Variants in ZNF254 observed in about 807,000 individuals in gnomAD.
ZNF254 encodes CTD-2017D11.1.
Under a neutral mutation model 12.4 loss-of-function variants are expected in ZNF254, and 10 were observed. The observed-to-expected ratio is 0.80, with a 90% confidence interval of 0.50 to 1.36. The LOEUF (loss-of-function observed/expected upper bound fraction) is 1.36, where lower values mean the gene tolerates loss of function less well. ZNF254 is among the 40% of genes most tolerant of loss of function. The probability of loss-of-function intolerance (pLI) is 0.00; values close to 1 mark genes in which losing one functional copy is unlikely to be tolerated. For synonymous variants in ZNF254, 305 were observed against 253.4 expected (o/e 1.20, Z -1.93); for missense variants, 996 against 763.9 (o/e 1.30, Z -3.58).
chr19:24,055,664 G>T (rs1199287817), intron 2 of ZNF254, among the ~76,000 whole-genome samples: 4 of 152,084 alleles, frequency 2.6e-5, no homozygotes, highest in Admixed American at 2.6e-4. Flanking sequence ...TGAAGTTCTG[G>T]ATCACACCTA....
rs370672493 is a variant in ZNF254 at position 24,127,923 on chromosome 19, G to A, written c.1923G>A (p.Arg641=). 1.2e-6 allele frequency: 2 copies of A among 1,606,484 alleles called. No homozygotes were observed. Among genetic ancestry groups the A allele is most frequent in the African/African-American group, 1.3e-5 (1 of 74,614 alleles). ...KWEKFGKAFN[R]SSHLTTDKIT... is the part of the protein sequence containing the mutation. ...AAAAATTTGGCAAAGCCTTTAATCG[G>A]TCCTCGCACCTCACCACAGATAAGA... Residue 641 remains arginine (R), a synonymous_variant, in exon 4 of 4, where the codon CGG becomes CGA. Transcript: ENST00000357002.
intron 1 of ZNF254, among the ~76,000 whole-genome samples, chr19:24,035,320 C>G (rs1444504388): frequency 6.6e-6 from 1 of 152,150 alleles, no homozygotes; most frequent in African/African-American, 2.4e-5. Flanking sequence ...CACCACCATG[C>G]CTGGCTAATG....
At chr19:24,040,963 A>G (rs747096060) in intron 1 of ZNF254, among the ~76,000 whole-genome samples, 4 of 150,218 alleles carry the variant, frequency 2.7e-5, no homozygotes, top group African/African-American at 9.7e-5. Flanking sequence ...TTCGATAAAG[A>G]AGCCAATTTC....
chr19:24,054,030 C>T (rs2145336443), intron 2 of ZNF254, among the ~76,000 whole-genome samples: 1 of 152,328 alleles, frequency 6.6e-6, no homozygotes, highest in Middle Eastern at 3.4e-3. Flanking sequence ...CTTGCCTGCA[C>T]TGTGCCCTGA....
At chr19:24,058,185 C>T (rs1398499552) in intron 2 of ZNF254, among the ~76,000 whole-genome samples, 1 of 152,138 alleles carries the variant, frequency 6.6e-6, no homozygotes, top group Non-Finnish European at 1.5e-5. Flanking sequence ...TCATTTGGAC[C>T]TTCCTGCACC....
rs553072906 is a variant in ZNF254 at position 24,071,808 on chromosome 19, G to A, written c.-94+25529G>A. 8.5e-5 allele frequency among the ~76,000 whole-genome samples: 13 copies of A among 152,214 alleles called. No individual in the cohort carries two copies. In the East Asian group the frequency reaches 2.0e-3, roughly 23 times the overall value. ...CCTCTGCTTCTACAGGGTTCAGGAC[G>A]GAAAGGAGAGTTACATCACTTAGGT... is the stretch of plus-strand genomic sequence containing the variant. On this transcript the variant is annotated intron_variant, in intron 2 of 4. Coordinates refer to the ZNF254 transcript ENST00000613065.
chr19:24,044,091 T>A (rs767485671), intron 1 of ZNF254, among the ~76,000 whole-genome samples: 2 of 151,346 alleles, frequency 1.3e-5, no homozygotes, highest in Non-Finnish European at 2.9e-5. Flanking sequence ...ATACAAAAAC[T>A]TAGCTGGGCG....
At chr19:24,048,497 G>A (rs984796167) in intron 2 of ZNF254, among the ~76,000 whole-genome samples, 4 of 152,298 alleles carry the variant, frequency 2.6e-5, no homozygotes, top group African/African-American at 4.8e-5. Context: ...GTGCAGTACC[G>A]CTTAGGTCCA....
Position 24,126,452 on chromosome 19 carries a change from G to T in ZNF254, c.452G>T (p.Ser151Ile), listed in dbSNP as rs763716153. The T allele has an allele frequency of 3.8e-6, 6 of 1,595,720 alleles. No homozygotes were observed. Among genetic ancestry groups the T allele is most frequent in the Non-Finnish European group, 4.3e-6 (5 of 1,174,182 alleles). Residue 151 changes from serine (S) to isoleucine (I), a missense_variant, in exon 4 of 4, where the codon AGC becomes ATC. Coordinates refer to ENST00000357002, the MANE Select transcript of ZNF254 (RefSeq NM_203282.4). ...GLNQCFTTAQ[S>I]KVFQCDKYLK... Reference sequence around the variant, plus strand: ...AACCAGTGTTTCACAACTGCCCAGAGCAAAGTATTTCAATGTGATAAATAT... The same window carrying T: ...AACCAGTGTTTCACAACTGCCCAGATCAAAGTATTTCAATGTGATAAATAT...
At chr19:24,104,540 G>A (rs1326800672) in intron 1 of ZNF254, 1 of 152,022 alleles carries the variant, frequency 6.6e-6, no homozygotes, top group Admixed American at 6.6e-5. Flanking sequence ...TTCTATACCT[G>A]TGTTTTTTCT....
In ZNF254 at chr19:24,129,129, CTT is replaced by C. The variant is rs1453650868; in HGVS notation, c.*1150_*1151del. On this transcript the variant is annotated 3_prime_UTR_variant, in exon 4 of 4. Transcript: ENST00000357002. ...AGGTAGAGAGGCTCTTTGTGGTTAA[CTT>C]ATAATATTGAGTGATGCATGAGGTA... 6.6e-6 allele frequency: 1 copy of C among 151,840 alleles called. No homozygotes were observed. The highest frequency in any genetic ancestry group is 1.9e-4 in the East Asian group (1 of 5,180). The allele number at this position is 151,840 out of a possible 1,614,324, so 9.4% of individuals were successfully genotyped here. A position where few individuals can be genotyped will look rare whatever the true frequency, so the allele number is the denominator to read the frequency against.
chr19:24,121,891 GT>G (rs1974508893), intron 3 of ZNF254, among the ~76,000 whole-genome samples: 1 of 151,774 alleles, frequency 6.6e-6, no homozygotes, highest in South Asian at 2.1e-4. Flanking sequence ...TTGTATATTT[GT>G]TGTATAGGTT....
At chr19:24,039,979 A>G (rs1211109081) in intron 1 of ZNF254, among the ~76,000 whole-genome samples, 1 of 152,240 alleles carries the variant, frequency 6.6e-6, no homozygotes, top group Non-Finnish European at 1.5e-5. Context: ...TGTCATGCAA[A>G]ATAGAGAAGA....
chr19:24,110,429 T>A (rs150372120), intron 3 of ZNF254, among the ~76,000 whole-genome samples: 16 of 152,100 alleles, frequency 1.1e-4, no homozygotes, highest in African/African-American at 3.4e-4. Context: ...TAGCCAGGCA[T>A]GGTGGTGTAC....
intron 3 of ZNF254, among the ~76,000 whole-genome samples, chr19:24,115,538 G>C (rs1396651293): frequency 3.4e-5 from 5 of 148,238 alleles, no homozygotes; most frequent in East Asian, 2.0e-4. Flanking sequence ...ATGGGGGGAT[G>C]GGGGAGGGAT....
chr19:24,109,392 A>G (rs913757782), intron 3 of ZNF254, among the ~76,000 whole-genome samples: 4 of 152,206 alleles, frequency 2.6e-5, no homozygotes, highest in Non-Finnish European at 4.4e-5. Context: ...TAATGTTGCC[A>G]ACTAGATTTT....
chr19:24,049,110 A>G (rs1970523247), intron 2 of ZNF254: 1 of 143,892 alleles, frequency 6.9e-6, no homozygotes, highest in African/African-American at 2.6e-5. Context: ...ACCTACCTGT[A>G]ATCAATCTAT....
At chr19:24,081,267 T>C (rs201712070) in intron 2 of ZNF254, among the ~76,000 whole-genome samples, 1 of 152,226 alleles carries the variant, frequency 6.6e-6, no homozygotes, top group East Asian at 1.9e-4. Context: ...TTCCTTATCA[T>C]GCCCGGATGC....
chr19:24,051,169 T>C (rs974842261), intron 2 of ZNF254, among the ~76,000 whole-genome samples: 1 of 152,114 alleles, frequency 6.6e-6, no homozygotes, highest in African/African-American at 2.4e-5. Context: ...ATAACTTTTA[T>C]TTTTTTGAGA....
Sources: gnomAD v4.1 joint callset for allele counts (sites outside exome capture counted in the v4.1 genomes callset) on GRCh38, gnomAD v4.1.1 for gene constraint, MANE v1.5 for transcripts, NCBI Gene and HGNC (gene_info 2026-07-23, HGNC 2026-07-21) for gene names.